FBXO15: variants seen among roughly 807,000 people sequenced by gnomAD.
FBXO15 encodes the protein F-box only protein 15.
FBXO15 carries 30 observed loss-of-function variants against 49.5 expected under a neutral mutation model. The observed-to-expected ratio is 0.61, with a 90% CI of 0.45 to 0.82. The LOEUF is 0.82. Ranked by LOEUF, FBXO15 falls within the 40% of genes least tolerant of loss-of-function variation. The pLI is 0.00. For missense variants in FBXO15, 591 were observed against 631.5 expected, an observed-to-expected ratio of 0.94 and a Z score of 0.69; for synonymous variants, 250 against 232.7, an observed-to-expected ratio of 1.07 and a Z score of -0.68.
intron 8 of FBXO15, among the ~76,000 whole-genome samples, chr18:74,103,110 A>T (rs1435746622): frequency 3.9e-5 from 6 of 152,072 alleles, no homozygotes; most frequent in Admixed American, 2.0e-4. Context: ...TGGAAATAAA[A>T]TTTTTTTAAA....
chr18:74,135,030 T>C (rs1324373427), intron 3 of FBXO15, among the ~76,000 whole-genome samples: 1 of 152,194 alleles, frequency 6.6e-6, no homozygotes, highest in Non-Finnish European at 1.5e-5. Flanking sequence ...AGATGTTCTG[T>C]TGTAAGCCAC....
intron 2 of FBXO15, 46 bp downstream of exon 2, chr18:74,140,156 C>A (rs1599192629): frequency 6.8e-7 from 1 of 1,479,954 alleles, no homozygotes; most frequent in African/African-American, 1.4e-5. Context: ...CTAATAACCC[C>A]ATGCCTAGAG....
chr18:74,109,850 G>A (rs1372087421), intron 8 of FBXO15, among the ~76,000 whole-genome samples: 1 of 151,840 alleles, frequency 6.6e-6, no homozygotes, highest in African/African-American at 2.4e-5. Context: ...GCTGGGGGAG[G>A]GATAGCATTA....
At position 74,123,521 on chromosome 18, in the gene FBXO15, A is replaced by G. The variant is rs1467576146; in HGVS notation, c.996-11T>C. The G allele has an allele frequency of 6.3e-7, 1 of 1,580,996 alleles. No individual in the cohort carries two copies. The highest frequency in any genetic ancestry group is 1.4e-5 in the African/African-American group (1 of 72,734). On this transcript the variant is annotated splice_polypyrimidine_tract_variant and intron_variant, in intron 7 of 9. Transcript: ENST00000419743. The stretch of plus-strand genomic sequence containing the variant: ...GGCAGTTCATAGGGGCTGAAAAGCA[A>G]AACAAAAGAAACATACAAATTTGTC...
intron 8 of FBXO15, among the ~76,000 whole-genome samples, chr18:74,089,378 C>T (rs1053995978): frequency 1.3e-5 from 2 of 152,060 alleles, no homozygotes; most frequent in African/African-American, 4.8e-5. Context: ...ATCATCTTGC[C>T]TGCAAACAGG....
intron 1 of FBXO15, among the ~76,000 whole-genome samples, chr18:74,146,779 G>C (rs3813122): frequency 6.6e-6 from 1 of 151,976 alleles, no homozygotes; most frequent in African/African-American, 2.4e-5. Flanking sequence ...GGAGATTCAG[G>C]GGGAAAAAAC....
intron 5 of FBXO15, among the ~76,000 whole-genome samples, chr18:74,127,218 GGGATGTGA>G (rs1978291666): frequency 6.6e-6 from 1 of 151,236 alleles, no homozygotes; most frequent in African/African-American, 2.5e-5. Context: ...AGGCTGGGTG[GGGATGTGA>G]GAAACCTTCT....
chr18:74,094,163 T>C (rs529872215), intron 8 of FBXO15, among the ~76,000 whole-genome samples: 5 of 152,348 alleles, frequency 3.3e-5, no homozygotes, highest in Admixed American at 2.0e-4. Flanking sequence ...AGTCTAGATA[T>C]GTATCTCTGC....
chr18:74,137,082 T>G (rs1234203685), intron 2 of FBXO15, among the ~76,000 whole-genome samples: 8 of 152,230 alleles, frequency 5.3e-5, no homozygotes, highest in Non-Finnish European at 1.5e-5. Context: ...GCCTGTTGGA[T>G]ATGCATCACC....
Position 74,126,024 on chromosome 18 carries a change from A to T in FBXO15, c.863T>A (p.Leu288His). Residue 288 changes from leucine (L) to histidine (H), a missense_variant, in exon 6 of 10, where the codon CTC becomes CAC. Transcript: ENST00000419743. ...TISTMIGCDR[L>H]IRIFCLHPGL... ...AGGGTGCAGGCAGAAGATCCGAATG[A>T]GTCTGTCACAGCCAATCATGGTAGA... 8 of 1,614,128 alleles carry T rather than the reference A, an allele frequency of 5.0e-6. No individual in the cohort carries two copies. The highest frequency in any genetic ancestry group is 6.8e-6 in the Non-Finnish European group (8 of 1,179,994).
At chr18:74,093,378 T>C (rs1427671328) in intron 8 of FBXO15, among the ~76,000 whole-genome samples, 1 of 151,938 alleles carries the variant, frequency 6.6e-6, no homozygotes, top group South Asian at 2.1e-4. Flanking sequence ...CTGCTGGAGC[T>C]CTCTGATGGT....
chr18:74,074,533 A>T lies in FBXO15; in HGVS notation c.1264-803T>A, dbSNP rs1466097829. 2.0e-5 allele frequency among the ~76,000 whole-genome samples: 3 copies of T among 152,148 alleles called. No individual in the cohort carries two copies. Among genetic ancestry groups the T allele is most frequent in the Non-Finnish European group, 4.4e-5 (3 of 68,024 alleles). On this transcript the variant is annotated intron_variant, in intron 9 of 9. Transcript: ENST00000419743. The surrounding 1 kb of genome is among the most constrained non-coding windows in gnomAD (Gnocchi z 4.7). ...GGTCCACTTTCACTATCCATGCCTC[A>T]GGCACCCTGTCTTCTAACTGCCACC...
At chr18:74,112,333 T>C (rs1282685353) in intron 8 of FBXO15, among the ~76,000 whole-genome samples, 1 of 152,228 alleles carries the variant, frequency 6.6e-6, no homozygotes, top group African/African-American at 2.4e-5. Flanking sequence ...AATAATTGTA[T>C]ATTGTGATCA....
intron 8 of FBXO15, among the ~76,000 whole-genome samples, chr18:74,111,090 C>T (rs896729091): frequency 6.6e-6 from 1 of 151,874 alleles, no homozygotes; most frequent in African/African-American, 2.4e-5. Context: ...CTACATCATA[C>T]AACAAGAGCA....
intron 8 of FBXO15, among the ~76,000 whole-genome samples, chr18:74,110,194 C>T (rs370545022): frequency 1.4e-5 from 2 of 143,604 alleles, no homozygotes; most frequent in African/African-American, 2.6e-5. Context: ...CATATGTGTG[C>T]ATATATATAT....
At chr18:74,135,474 T>C (rs998396425) in intron 3 of FBXO15, among the ~76,000 whole-genome samples, 2 of 152,208 alleles carry the variant, frequency 1.3e-5, no homozygotes, top group African/African-American at 4.8e-5. Flanking sequence ...GGTCTGATTC[T>C]GTGGGGAATA....
At chr18:74,094,128 G>A (rs1913176015) in intron 8 of FBXO15, among the ~76,000 whole-genome samples, 1 of 152,210 alleles carries the variant, frequency 6.6e-6, no homozygotes, top group South Asian at 2.1e-4. Flanking sequence ...TCAATGAGCA[G>A]TAATACCTTG....
intron 5 of FBXO15, among the ~76,000 whole-genome samples, chr18:74,128,732 C>A (rs1468491705): frequency 3.3e-5 from 5 of 152,226 alleles, no homozygotes; most frequent in African/African-American, 1.2e-4. Flanking sequence ...CTCAGAAAGG[C>A]AGAATGCCAG....
chr18:74,084,267 A>C (rs1912628894), intron 8 of FBXO15, among the ~76,000 whole-genome samples: 1 of 152,256 alleles, frequency 6.6e-6, no homozygotes, highest in African/African-American at 2.4e-5. Context: ...TCAGCCTATG[A>C]GTCCCACAGC....
Sources: gnomAD v4.1 joint callset for allele counts (sites outside exome capture counted in the v4.1 genomes callset) on GRCh38, gnomAD v4.1.1 for gene constraint, Gnocchi (gnomAD v3.1) non-coding constraint, MANE v1.5 for transcripts, NCBI Gene and HGNC (gene_info 2026-07-23, HGNC 2026-07-21) for gene names.